SNCAIP: variants seen among roughly 807,000 people sequenced by gnomAD.
SNCAIP encodes synphilin-1.
Under a neutral mutation model 86.7 loss-of-function variants are expected in SNCAIP, and 43 were observed. That is an observed-to-expected ratio of 0.50 (90% CI 0.39 to 0.64). The LOEUF (loss-of-function observed/expected upper bound fraction) is 0.64. SNCAIP is among the 30% of genes least tolerant of loss of function. The pLI is 0.00. For missense variants in SNCAIP, 981 were observed against 1,103.1 expected, an observed-to-expected ratio of 0.89 and a Z score of 1.57; for synonymous variants, 417 against 427.2, an observed-to-expected ratio of 0.98 and a Z score of 0.29.
chr5:122,400,153 A>T (rs1279844441), intron 2 of SNCAIP, among the ~76,000 whole-genome samples: 2 of 152,064 alleles, frequency 1.3e-5, no homozygotes, highest in East Asian at 3.9e-4. Context: ...AACAATGGGT[A>T]TGGCAACCAC....
chr5:122,414,975 G>T (rs3811908), intron 3 of SNCAIP, among the ~76,000 whole-genome samples: 1 of 152,108 alleles, frequency 6.6e-6, no homozygotes, highest in South Asian at 2.1e-4. Flanking sequence ...CAAATGTATC[G>T]GCAATTTTAA....
intron 1 of SNCAIP, chr5:122,371,780 G>T (rs1764317561): frequency 6.6e-6 from 1 of 152,184 alleles, no homozygotes; most frequent in Non-Finnish European, 1.5e-5. Context: ...TTCCTCATCT[G>T]TGAAGTGAGA....
intron 1 of SNCAIP, among the ~76,000 whole-genome samples, chr5:122,362,620 A>G (rs1411185265): frequency 2.0e-5 from 3 of 152,200 alleles, no homozygotes; most frequent in African/African-American, 7.2e-5. Flanking sequence ...GCTAGTACCA[A>G]GTACAGAATC....
chr5:122,315,827 G>T (rs1471566339), intron 1 of SNCAIP, among the ~76,000 whole-genome samples: 1 of 152,122 alleles, frequency 6.6e-6, no homozygotes, highest in Non-Finnish European at 1.5e-5. Context: ...GTTGAAAGTT[G>T]ATGTTTTTGA....
chr5:122,461,394 TGTACA>T, intron 10 of SNCAIP, among the ~76,000 whole-genome samples: 2 of 152,322 alleles, frequency 1.3e-5, no homozygotes, highest in South Asian at 4.1e-4. Flanking sequence ...GGAAATGTTT[TGTACA>T]ATTTCTTTGA....
intron 1 of SNCAIP, among the ~76,000 whole-genome samples, chr5:122,356,467 T>A (rs1191088196): frequency 1.3e-5 from 2 of 152,192 alleles, no homozygotes; most frequent in Non-Finnish European, 1.5e-5. Flanking sequence ...ATTAAAATTT[T>A]TTTTGATGAG....
chr5:122,325,465 T>C (rs1753828879), intron 1 of SNCAIP, among the ~76,000 whole-genome samples: 2 of 152,224 alleles, frequency 1.3e-5, no homozygotes, highest in Non-Finnish European at 2.9e-5. Flanking sequence ...CAAGCAACTT[T>C]AAGCTGATAA....
intron 1 of SNCAIP, among the ~76,000 whole-genome samples, chr5:122,375,521 T>C (rs1170110583): frequency 6.6e-6 from 1 of 151,620 alleles, no homozygotes; most frequent in Non-Finnish European, 1.5e-5. Context: ...CTGGGATTTA[T>C]TATACTGTCA....
chr5:122,463,137 A>T (rs1251018593), intron 10 of SNCAIP, among the ~76,000 whole-genome samples: 2 of 152,198 alleles, frequency 1.3e-5, no homozygotes, highest in African/African-American at 4.8e-5. Context: ...TAAATAAAAT[A>T]AAAATATTTT....
chr5:122,457,537 G>A (rs954884469), intron 10 of SNCAIP, among the ~76,000 whole-genome samples: 2 of 152,018 alleles, frequency 1.3e-5, no homozygotes, highest in African/African-American at 2.4e-5. Context: ...GTGCTCCGTG[G>A]TTCCTCCCCA....
chr5:122,337,737 G>A (rs1298682606), intron 1 of SNCAIP, among the ~76,000 whole-genome samples: 1 of 151,986 alleles, frequency 6.6e-6, no homozygotes, highest in Non-Finnish European at 1.5e-5. Flanking sequence ...GCAGGGCTTC[G>A]CCATGTTGGC....
chr5:122,428,420 T>A (rs1475936250), intron 5 of SNCAIP, among the ~76,000 whole-genome samples: 1 of 152,184 alleles, frequency 6.6e-6, no homozygotes, highest in Non-Finnish European at 1.5e-5. Context: ...AACAGCATTT[T>A]GTTTAAGTGT....
chr5:122,360,052 T>A (rs1354682919), intron 1 of SNCAIP, among the ~76,000 whole-genome samples: 1 of 152,184 alleles, frequency 6.6e-6, no homozygotes, highest in Non-Finnish European at 1.5e-5. Flanking sequence ...TTATCAGCAC[T>A]TGTGGTAGGG....
chr5:122,448,689 ATT>A (rs1337792681), intron 8 of SNCAIP, among the ~76,000 whole-genome samples: 28 of 99,462 alleles, frequency 2.8e-4, no homozygotes, highest in African/African-American at 7.8e-4. Context: ...TTATATATAT[ATT>A]ATATATATTA....
At chr5:122,448,360 G>A (rs1782775262) in intron 8 of SNCAIP, among the ~76,000 whole-genome samples, 1 of 151,706 alleles carries the variant, frequency 6.6e-6, no homozygotes, top group Non-Finnish European at 1.5e-5. Context: ...GTCAAGCCAA[G>A]CTAGGCAGAA....
chr5:122,449,054 C>T (rs1783141777), intron 8 of SNCAIP, among the ~76,000 whole-genome samples: 1 of 151,904 alleles, frequency 6.6e-6, no homozygotes, highest in South Asian at 2.1e-4. Flanking sequence ...CTAAATTTAC[C>T]GTGGGTTTAC....
intron 1 of SNCAIP, among the ~76,000 whole-genome samples, chr5:122,330,237 T>C (rs926314451): frequency 1.2e-3 from 173 of 148,450 alleles, no homozygotes; most frequent in East Asian, 7.5e-3. Flanking sequence ...TTGTCCTGCC[T>C]CAGCCTCCCA....
rs938024919 is a variant in SNCAIP at position 122,431,882 on chromosome 5, T to C, written c.1183-87T>C. On this transcript the variant is annotated intron_variant, in intron 5 of 10. Coordinates refer to ENST00000261368, the MANE Select transcript of SNCAIP (RefSeq NM_005460.4). The stretch of plus-strand genomic sequence containing the variant: ...TAAATGCCAAAATTTATATGATTTC[T>C]TTCCTTGGTGAAATTACCATCTTTA... 3 of 740,582 alleles carry C rather than the reference T, an allele frequency of 4.1e-6. No homozygotes were observed. The African/African-American group carries it at 5.2e-5, about 13-fold the overall frequency. The allele number at this position is 740,582 out of a possible 1,614,324, so 45.9% of individuals were successfully genotyped here.
At chr5:122,369,226 AGTTT>A (rs1763796055) in intron 1 of SNCAIP, among the ~76,000 whole-genome samples, 1 of 152,204 alleles carries the variant, frequency 6.6e-6, no homozygotes, top group African/African-American at 2.4e-5. Flanking sequence ...CAGCCTGTGA[AGTTT>A]GTTTATGTTA....
Sources: allele counts gnomAD v4.1 joint callset (sites outside exome capture counted in the v4.1 genomes callset), GRCh38; gene constraint gnomAD v4.1.1; transcripts MANE v1.5; gene names NCBI Gene and HGNC (gene_info 2026-07-23, HGNC 2026-07-21).